The following CDC73 variants were observed in gnomAD, a reference collection of about 807,000 sequenced individuals.
CDC73 encodes cell division cycle 73.
CDC73 carries 21 observed loss-of-function variants against 83.7 expected under a neutral mutation model. That is an observed-to-expected ratio of 0.25 (90% confidence interval 0.18 to 0.36). The LOEUF is 0.36. Ranked by LOEUF, CDC73 falls within the 10% of genes least tolerant of loss-of-function variation. The probability of loss-of-function intolerance (pLI) is 1.00; values close to 1 mark genes in which losing one functional copy is unlikely to be tolerated. For missense variants in CDC73, 342 were observed against 653.3 expected (o/e 0.52, Z 5.19); for synonymous variants, 224 against 212.9 (o/e 1.05, Z -0.45).
intron 10 of CDC73, among the ~76,000 whole-genome samples, chr1:193,152,873 G>A (rs1188971100): frequency 2.0e-5 from 3 of 151,934 alleles, no homozygotes; most frequent in Non-Finnish European, 1.5e-5. Context: ...TCCGCCTCCC[G>A]GGTTCACGCC....
chr1:193,231,128 T>A (rs1222041666), intron 13 of CDC73, among the ~76,000 whole-genome samples: 1 of 152,204 alleles, frequency 6.6e-6, no homozygotes, highest in Non-Finnish European at 1.5e-5. Flanking sequence ...CACTCATTTG[T>A]ATGTATTTTG....
intron 6 of CDC73, among the ~76,000 whole-genome samples, chr1:193,139,923 C>T (rs143238337): frequency 6.6e-6 from 1 of 152,314 alleles, no homozygotes; most frequent in East Asian, 1.9e-4. Context: ...CTGTCTAATT[C>T]ACTTGGGTGG....
At chr1:193,207,174 T>C (rs1202808616) in intron 11 of CDC73, among the ~76,000 whole-genome samples, 2 of 152,182 alleles carry the variant, frequency 1.3e-5, no homozygotes, top group East Asian at 3.9e-4. Context: ...AGCAAGTTTT[T>C]ATTAGGGATT....
chr1:193,158,540 A>G (rs1025602818), intron 10 of CDC73, among the ~76,000 whole-genome samples: 1 of 152,148 alleles, frequency 6.6e-6, no homozygotes, highest in Non-Finnish European at 1.5e-5. Flanking sequence ...TGAAAATTAT[A>G]TAAAGTGTTC....
At chr1:193,224,638 T>C (rs1014837343) in intron 13 of CDC73, among the ~76,000 whole-genome samples, 13 of 152,138 alleles carry the variant, frequency 8.5e-5, no homozygotes, top group Non-Finnish European at 1.3e-4. Context: ...TACACACATA[T>C]ATGAAATCAT....
chr1:193,128,953 A>C (rs1474431962), intron 2 of CDC73, among the ~76,000 whole-genome samples: 3 of 149,526 alleles, frequency 2.0e-5, no homozygotes, highest in Admixed American at 1.3e-4. Context: ...CAGTCTCCTG[A>C]GTAGCTGGGA....
chr1:193,191,671 GCCAC>G (rs1676921024), intron 10 of CDC73, among the ~76,000 whole-genome samples: 1 of 152,124 alleles, frequency 6.6e-6, no homozygotes, highest in African/African-American at 2.4e-5. Context: ...ATAGGCCTGA[GCCAC>G]CACACCTGGC....
intron 10 of CDC73, among the ~76,000 whole-genome samples, chr1:193,178,433 G>T (rs183220622): frequency 1.2e-3 from 187 of 152,170 alleles, no homozygotes; most frequent in Middle Eastern, 3.4e-3. Flanking sequence ...ATCTTTTAAA[G>T]ATCCTGCAAA....
rs192803352 is a variant in CDC73, at chr1:193,130,916, C to T, written c.307+673C>T. ...GGTTCTCTTTCTACTCGTTGTTCAC[C>T]TCTCAGTTTATTTTGGTTACTTCTG... On this transcript the variant is annotated intron_variant, in intron 3 of 16. Transcript: ENST00000367435. Among the ~76,000 whole-genome samples, 4 of 152,180 alleles carry T rather than the reference C, an allele frequency of 2.6e-5. No individual in the cohort carries two copies. The East Asian group carries it at 7.7e-4, about 29-fold the overall frequency.
At position 193,249,754 on chromosome 1, in the gene CDC73, A is replaced by G; in HGVS notation, c.1442A>G (p.Asp481Gly). The G allele has an allele frequency of 6.2e-7, 1 of 1,609,468 alleles. No homozygotes were observed. Among genetic ancestry groups the G allele is most frequent in the Non-Finnish European group, 8.5e-7 (1 of 1,176,102 alleles). Residue 481 changes from aspartate (D) to glycine (G), a missense_variant, in exon 16 of 17, where the codon GAT becomes GGT. Around this residue, in one of 3 missense-constraint regions of CDC73, gnomAD observed 239 missense variants for 420.6 expected, o/e 0.57. Transcript: ENST00000367435. The stretch of plus-strand genomic sequence containing the variant: ...GTTAAAGCCTTCCATCTGAAGTATG[A>G]TGAAGTTCGTCTGGATCCAAATGTT... ...AKIKAFHLKY[D>G]EVRLDPNVQK...
chr1:193,142,622 T>G (rs1453007032), intron 7 of CDC73, among the ~76,000 whole-genome samples: 1 of 152,202 alleles, frequency 6.6e-6, no homozygotes, highest in East Asian at 1.9e-4. Context: ...TTCTTCTCTC[T>G]GCCCCCCTCC....
At chr1:193,142,098 T>TGAGA (rs80356646) in intron 7 of CDC73, 32 bp downstream of exon 7, 34 of 1,437,902 alleles carry the variant, frequency 2.4e-5, no homozygotes, top group East Asian at 7.0e-5. Flanking sequence ...TTCATTGGAG[T>TGAGA]GAGAGAGAGA....
intron 15 of CDC73, among the ~76,000 whole-genome samples, chr1:193,239,090 C>G (rs1219197095): frequency 6.6e-6 from 1 of 152,146 alleles, no homozygotes; most frequent in Non-Finnish European, 1.5e-5. Context: ...GTCTTTAGCT[C>G]AATATTCTGG....
intron 7 of CDC73, among the ~76,000 whole-genome samples, chr1:193,143,073 G>A (rs977869086): frequency 7.9e-5 from 12 of 151,856 alleles, no homozygotes; most frequent in African/African-American, 2.9e-4. Context: ...TAGAATTTTG[G>A]GATTTTAGTC....
chr1:193,180,931 T>A (rs1311715869), intron 10 of CDC73: 2 of 1,613,594 alleles, frequency 1.2e-6, no homozygotes, highest in African/African-American at 1.3e-5. Flanking sequence ...ATCATGATAT[T>A]GTCTGCTTTC....
At chr1:193,170,450 A>G (rs1676501212) in intron 10 of CDC73, among the ~76,000 whole-genome samples, 1 of 152,094 alleles carries the variant, frequency 6.6e-6, no homozygotes, top group Admixed American at 6.6e-5. Context: ...CAACTTTGCC[A>G]GCATCTTGTT....
intron 13 of CDC73, among the ~76,000 whole-genome samples, chr1:193,230,143 CTTTT>C (rs944930837): frequency 2.2e-5 from 3 of 135,086 alleles, no homozygotes; most frequent in South Asian, 2.4e-4. Flanking sequence ...CATTCCCATT[CTTTT>C]TTTTTTTTTT....
intron 10 of CDC73, among the ~76,000 whole-genome samples, chr1:193,201,752 A>G (rs1178103430): frequency 6.6e-6 from 1 of 151,924 alleles, no homozygotes; most frequent in Non-Finnish European, 1.5e-5. Flanking sequence ...TTTTTTCCAT[A>G]TTATTTACAT....
intron 10 of CDC73, among the ~76,000 whole-genome samples, chr1:193,175,807 C>A (rs975859857): frequency 2.0e-5 from 3 of 152,128 alleles, no homozygotes; most frequent in African/African-American, 7.2e-5. Context: ...GGAGCCAATT[C>A]CCCACAGATA....
Sources: allele counts gnomAD v4.1 joint callset (sites outside exome capture counted in the v4.1 genomes callset), GRCh38; gene constraint gnomAD v4.1.1; regional missense constraint gnomAD v4.1.1; transcripts MANE v1.5; gene names NCBI Gene and HGNC (gene_info 2026-07-23, HGNC 2026-07-21).